TMC3: variants seen among roughly 807,000 people sequenced by gnomAD.
The protein encoded by TMC3 is transmembrane channel-like protein 3.
In TMC3, 98 loss-of-function variants were observed where a neutral mutation model predicts 110.6. The observed-to-expected ratio is 0.89, with a 90% CI of 0.75 to 1.05. TMC3 has a LOEUF of 1.05. Ranked by LOEUF, TMC3 falls within the 50% of genes least tolerant of loss-of-function variation. The pLI, the probability that TMC3 is intolerant of heterozygous loss-of-function variation, is 0.00. For synonymous variants in TMC3, 489 were observed against 513.1 expected (o/e 0.95, Z 0.63); for missense variants, 1,319 against 1,373.2 (o/e 0.96, Z 0.62).
chr15:81,373,253 G>A (rs1204610247), intron 1 of TMC3, among the ~76,000 whole-genome samples: 1 of 152,108 alleles, frequency 6.6e-6, no homozygotes, highest in Non-Finnish European at 1.5e-5. Flanking sequence ...TGAGATAACC[G>A]AGGCAGAGCC....
rs774966305 is a variant in TMC3, at chr15:81,356,423, G to A, written c.891+24C>T. On this transcript the variant is annotated intron_variant, in intron 8 of 21. Transcript: ENST00000359440. ...TGACCCTGAGCTGCCCACCCCCGCA[G>A]GCTGCACAGGCTCACTCACTCACCC... 6.3e-5 allele frequency: 98 copies of A among 1,556,316 alleles called. 1 individual carries two copies. The highest frequency in any genetic ancestry group is 8.3e-5 in the Non-Finnish European group (95 of 1,150,460).
chr15:81,333,881 T>G (rs1178017329), intron 21 of TMC3, among the ~76,000 whole-genome samples: 2 of 151,854 alleles, frequency 1.3e-5, no homozygotes, highest in Non-Finnish European at 2.9e-5. Context: ...TCCCAGCTAC[T>G]CGGGAGGCTG....
intron 11 of TMC3, 106 bp downstream of exon 11, chr15:81,349,352 T>C (rs1183522751): frequency 5.1e-6 from 3 of 583,490 alleles, no homozygotes; most frequent in Admixed American, 4.3e-5. Context: ...GTGCTGATTG[T>C]CTGAGAGAAA....
At chr15:81,371,395 C>T (rs1331545649) in intron 2 of TMC3, among the ~76,000 whole-genome samples, 2 of 152,172 alleles carry the variant, frequency 1.3e-5, no homozygotes, top group Non-Finnish European at 2.9e-5. Context: ...GAAATGCAAG[C>T]CTAATACATG....
intron 10 of TMC3, 31 bp downstream of exon 10, chr15:81,351,663 C>A: frequency 6.4e-7 from 1 of 1,551,398 alleles, no homozygotes. Context: ...TGTCTCTTTT[C>A]TAGGGTGCTG....
chr15:81,372,383 C>CACACACAT (rs1446697466), intron 2 of TMC3, among the ~76,000 whole-genome samples: 5 of 149,808 alleles, frequency 3.3e-5, no homozygotes, highest in African/African-American at 1.2e-4. Context: ...CACACACACA[C>CACACACAT]ACACACACAC....
Position 81,349,110 on chromosome 15 carries a change from C to T in TMC3, c.1193+348G>A, listed in dbSNP as rs111417533. Among the ~76,000 whole-genome samples the T allele has an allele frequency of 5.9e-5, 9 of 152,116 alleles. 1 individual carries two copies. The highest frequency in any genetic ancestry group is 3.9e-4 in the East Asian group (2 of 5,174). On this transcript the variant is annotated intron_variant, in intron 11 of 21. Coordinates refer to ENST00000359440, the MANE Select transcript of TMC3 (RefSeq NM_001080532.3). ...CCTCCCAAAGTACTGGGATTACAGG[C>T]GTGAGCCACCACGCCCGACCCTTGG...
intron 9 of TMC3, among the ~76,000 whole-genome samples, chr15:81,353,944 T>TA (rs1894004827): frequency 6.6e-6 from 1 of 152,236 alleles, no homozygotes; most frequent in Non-Finnish European, 1.5e-5. Flanking sequence ...AAGGAGCAAC[T>TA]AATTGCCCAT....
chr15:81,368,916 TA>T (rs10710915), intron 2 of TMC3, among the ~76,000 whole-genome samples: 64,988 of 151,740 alleles, frequency 0.43, 15,878 homozygotes, highest in African/African-American at 0.66. Context: ...ATGGACTAAA[TA>T]TAATTGGGAT....
intron 4 of TMC3, among the ~76,000 whole-genome samples, chr15:81,361,004 T>C (rs2141719405): frequency 6.6e-6 from 1 of 150,838 alleles, no homozygotes; most frequent in East Asian, 1.9e-4. Context: ...CGGAAGCATA[T>C]TACCAAGGTA....
At chr15:81,368,080 G>A (rs551279297) in intron 3 of TMC3, among the ~76,000 whole-genome samples, 173 bp downstream of exon 3, 329 of 152,120 alleles carry the variant, frequency 2.2e-3, no homozygotes, top group Non-Finnish European at 3.9e-3. Context: ...GACTACAGGC[G>A]CCTGCCACCA....
At chr15:81,358,923 T>C (rs1383418375) in intron 5 of TMC3, among the ~76,000 whole-genome samples, 1 of 152,174 alleles carries the variant, frequency 6.6e-6, no homozygotes, top group Non-Finnish European at 1.5e-5. Flanking sequence ...GTACACAGTC[T>C]GGGTATTATT....
intron 1 of TMC3, 24 bp from the exon 2 acceptor site, chr15:81,372,761 G>A (rs757217170): frequency 6.2e-7 from 1 of 1,611,766 alleles, no homozygotes; most frequent in South Asian, 1.1e-5. Flanking sequence ...GCATTAAGGA[G>A]GAAATCTGAT....
At position 81,356,534 on chromosome 15, in the gene TMC3, G is replaced by T. The variant is rs756633157; in HGVS notation, c.804C>A (p.Cys268Ter). 20 of 1,581,154 alleles carry T rather than the reference G, an allele frequency of 1.3e-5. No individual in the cohort carries two copies. The Admixed American group carries it at 3.5e-4, about 27-fold the overall frequency. The change falls in exon 8 of 22, where the codon TGC (cysteine) becomes TGA (stop). Residue 268 changes from cysteine (C) to a stop codon, truncating the protein, a stop_gained. Transcript: ENST00000359440. LOFTEE classifies it high-confidence loss of function. Reference sequence around the variant, plus strand: ...AATCCCAGGCACAGAACACCCGCCAGCAGAAGGTATAGTTTTCATTGGAAG... The same window carrying T: ...AATCCCAGGCACAGAACACCCGCCATCAGAAGGTATAGTTTTCATTGGAAG... ...ASASNENYTFCWRVFCAWDYL... is the reference protein window; with the variant it reads ...ASASNENYTF
chr15:81,337,305 G>A (rs1213410060), intron 19 of TMC3, among the ~76,000 whole-genome samples: 1 of 152,144 alleles, frequency 6.6e-6, no homozygotes, highest in Non-Finnish European at 1.5e-5. Flanking sequence ...GGGAACACCT[G>A]GGGTATGTGG....
At chr15:81,338,359 C>G (rs1417876350) in intron 18 of TMC3, among the ~76,000 whole-genome samples, 1 of 152,118 alleles carries the variant, frequency 6.6e-6, no homozygotes, top group Non-Finnish European at 1.5e-5. Context: ...GGCATTCAGC[C>G]CCATTCTAGT....
intron 16 of TMC3, 99 bp downstream of exon 16, chr15:81,341,291 T>TGG: frequency 7.7e-7 from 1 of 1,307,020 alleles, no homozygotes; most frequent in Non-Finnish European, 1.0e-6. Context: ...GGAAGAGAGT[T>TGG]GGGGGGACCC....
At position 81,332,474 on chromosome 15, in the gene TMC3, T is replaced by C; in HGVS notation, c.3248A>G (p.Lys1083Arg). ...SVGQPSRRKA[K>R]SGQELTVDLD... is the part of the protein sequence containing the mutation. ...ATCCACGGTCAGCTCCTGCCCCGAC[T>C]TGGCCTTCCTCCTGCTGGGCTGGCC... is the stretch of plus-strand genomic sequence containing the variant. The change falls in exon 22 of 22, where the codon AAG (lysine) becomes AGG (arginine). Residue 1083 changes from lysine to arginine, a missense_variant. Transcript: ENST00000359440. 1.2e-6 allele frequency: 2 copies of C among 1,612,858 alleles called. No individual in the cohort carries two copies. Among genetic ancestry groups the C allele is most frequent in the Non-Finnish European group, 1.7e-6 (2 of 1,179,524 alleles).
At chr15:81,366,935 A>G (rs866460040) in intron 3 of TMC3, among the ~76,000 whole-genome samples, 18 of 152,342 alleles carry the variant, frequency 1.2e-4, no homozygotes, top group Middle Eastern at 3.4e-3. Flanking sequence ...AAGATAACAA[A>G]CAAAAAATGT....
Sources: allele counts gnomAD v4.1 joint callset (sites outside exome capture counted in the v4.1 genomes callset), GRCh38; gene constraint gnomAD v4.1.1; transcripts MANE v1.5; gene names NCBI Gene and HGNC (gene_info 2026-07-23, HGNC 2026-07-21).